DMXL1: variants seen among roughly 807,000 people sequenced by gnomAD.
DMXL1 encodes the protein dmX-like protein 1.
A neutral mutation model predicts 319.2 loss-of-function variants in DMXL1; 99 were observed. The ratio of observed to expected loss-of-function variants is 0.31; its 90% CI spans 0.26 to 0.37. DMXL1 has a LOEUF of 0.37. DMXL1 is among the 10% of genes least tolerant of loss of function. The pLI is 1.00. For synonymous variants in DMXL1, 1,385 were observed against 1,235.2 expected (o/e 1.12, Z -2.54); for missense variants, 3,745 against 3,595.6 (o/e 1.04, Z -1.06).
chr5:119,149,390 G>A lies in DMXL1; in HGVS notation c.3563G>A (p.Ser1188Asn). 6.2e-7 allele frequency: 1 copy of A among 1,613,896 alleles called. No individual in the cohort carries two copies. Among genetic ancestry groups the A allele is most frequent in the Non-Finnish European group, 8.5e-7 (1 of 1,179,862 alleles). ...ACCCTGGCATTTCCTCTCTGGGAGA[G>A]TACCAAAGTTGTGCCCCTTTCTAAA... ...KETLAFPLWE[S>N]TKVVPLSKFV... Residue 1188 changes from serine to asparagine, a missense_variant, in exon 18 of 44, where the codon AGT (serine) becomes AAT (asparagine). This residue lies in a region of DMXL1 where 2,096 missense variants were observed against 1,985.4 expected (regional missense o/e 1.06). Transcript: ENST00000539542.
intron 41 of DMXL1, among the ~76,000 whole-genome samples, 177 bp from the exon 42 acceptor site, chr5:119,240,241 CT>C (rs568084429): frequency 1.3e-5 from 2 of 151,862 alleles, no homozygotes; most frequent in African/African-American, 4.8e-5. Flanking sequence ...CCACTGCATT[CT>C]TTTTTTTATA....
chr5:119,234,042 A>G (rs1407846711), intron 39 of DMXL1, among the ~76,000 whole-genome samples: 1 of 152,154 alleles, frequency 6.6e-6, no homozygotes, highest in South Asian at 2.1e-4. Context: ...AGCATAGTTC[A>G]GGAGGACAAA....
rs772503791 is a variant in DMXL1, at chr5:119,129,190, TA to T, written c.1103-20del. The stretch of plus-strand genomic sequence containing the variant: ...TGCTAGAAGGTAAAAATTTTAATTT[TA>T]TCTTTTTTTTCTCTTATAGACATTC... On this transcript the variant is annotated intron_variant, in intron 9 of 43. Coordinates refer to ENST00000539542, the MANE Select transcript of DMXL1 (RefSeq NM_001290321.3). 2.7e-6 allele frequency: 4 copies of T among 1,490,090 alleles called. No homozygotes were observed. In the South Asian group the frequency reaches 3.9e-5, roughly 14 times the overall value. 92.3% of individuals were successfully genotyped at this position (1,490,090 alleles called of 1,614,324 possible).
rs1256284423 is a variant in DMXL1, at chr5:119,122,266, G to A, written c.1102+1127G>A. Reference sequence around the variant, plus strand: ...GGGGCGGCTGGCTGGGCGGGGGGCCGACCACCCCACCTCCCTCCCGGACGG... The same window carrying A: ...GGGGCGGCTGGCTGGGCGGGGGGCCAACCACCCCACCTCCCTCCCGGACGG... On this transcript the variant is annotated intron_variant, in intron 9 of 43. Transcript: ENST00000539542. Among the ~76,000 whole-genome samples, 6 of 134,264 alleles carry A rather than the reference G, an allele frequency of 4.5e-5. No homozygotes were observed. In the East Asian group the frequency reaches 7.2e-4, roughly 16 times the overall value. The allele number at this position is 134,264 out of a possible 152,430, so 88.1% of individuals were successfully genotyped here.
In DMXL1 at chr5:119,175,294, T is replaced by G; in HGVS notation, c.6715T>G (p.Ser2239Ala). The G allele has an allele frequency of 6.2e-7, 1 of 1,612,094 alleles. No individual in the cohort carries two copies. The highest frequency in any genetic ancestry group is 1.3e-5 in the African/African-American group (1 of 74,992). ...AATGCATACTTTAGCAGCTTCACTT[T>G]CTGCTTGTATTTATCAGTGCCTTTG... ...YVMHTLAASL[S>A]ACIYQCLCGS... is the part of the protein sequence containing the mutation. The change falls in exon 26 of 44, where the codon TCT becomes GCT. Residue 2239 changes from serine (S) to alanine (A), a missense_variant. Coordinates refer to ENST00000539542, the MANE Select transcript of DMXL1 (RefSeq NM_001290321.3).
intron 28 of DMXL1, among the ~76,000 whole-genome samples, chr5:119,183,124 T>C (rs143011086): frequency 9.4e-4 from 143 of 152,278 alleles, no homozygotes; most frequent in Non-Finnish European, 1.7e-3. Flanking sequence ...TTTTTTACTA[T>C]GAGATTGCTA....
intron 18 of DMXL1, among the ~76,000 whole-genome samples, chr5:119,151,287 C>T (rs1364774045): frequency 6.6e-6 from 1 of 151,692 alleles, no homozygotes; most frequent in Non-Finnish European, 1.5e-5. Flanking sequence ...CAAGTAAGTT[C>T]TGAAATGAAC....
Position 119,147,269 on chromosome 5 carries a change from T to G in DMXL1, c.2710T>G (p.Leu904Val). Residue 904 changes from leucine (L) to valine (V), a missense_variant, in exon 17 of 44, where the codon TTA becomes GTA. Around this residue, in one of 4 missense-constraint regions of DMXL1, gnomAD observed 2,096 missense variants for 1,985.4 expected, o/e 1.06. Transcript: ENST00000539542. ...VSLDEKVDTK[L>V]SEAVWQPEEH... ...TGTAGATGAAAAAGTAGATACAAAA[T>G]TATCCGAAGCGGTTTGGCAGCCAGA... is the stretch of plus-strand genomic sequence containing the variant. The G allele has an allele frequency of 6.2e-7, 1 of 1,612,988 alleles. No individual in the cohort carries two copies. Among genetic ancestry groups the G allele is most frequent in the Non-Finnish European group, 8.5e-7 (1 of 1,179,426 alleles).
intron 25 of DMXL1, among the ~76,000 whole-genome samples, chr5:119,172,922 G>A (rs1312379436): frequency 2.6e-5 from 4 of 151,970 alleles, no homozygotes; most frequent in Non-Finnish European, 4.4e-5. Flanking sequence ...AATGCCCATA[G>A]TGCTTATTAT....
intron 28 of DMXL1, among the ~76,000 whole-genome samples, chr5:119,181,391 A>G (rs908193317): frequency 1.3e-5 from 2 of 152,196 alleles, no homozygotes; most frequent in African/African-American, 4.8e-5. Flanking sequence ...AAATACAATC[A>G]TGGAAGTAAC....
intron 28 of DMXL1, among the ~76,000 whole-genome samples, chr5:119,187,219 A>G (rs1777897750): frequency 6.6e-6 from 1 of 152,056 alleles, no homozygotes; most frequent in African/African-American, 2.4e-5. Flanking sequence ...AAATTCATAA[A>G]TTCTATATTC....
chr5:119,180,792 G>A (rs2150326932), intron 28 of DMXL1, among the ~76,000 whole-genome samples: 1 of 151,998 alleles, frequency 6.6e-6, no homozygotes, highest in East Asian at 1.9e-4. Context: ...GCTCTGTTGA[G>A]TTTAATTTTA....
At chr5:119,144,409 T>G (rs1325783016) in intron 14 of DMXL1, 127 bp from the exon 15 acceptor site, 1 of 689,008 alleles carries the variant, frequency 1.5e-6, no homozygotes, top group African/African-American at 1.9e-5. Context: ...TACGCTTACG[T>G]TCTGCTGAAC....
chr5:119,097,402 AG>A (rs1756210811), intron 1 of DMXL1, among the ~76,000 whole-genome samples: 1 of 152,172 alleles, frequency 6.6e-6, no homozygotes, highest in Admixed American at 6.5e-5. Flanking sequence ...AGTTTAGACA[AG>A]GGTGGTAGCA....
chr5:119,130,177 T>G (rs886109088), intron 10 of DMXL1, among the ~76,000 whole-genome samples: 7 of 152,176 alleles, frequency 4.6e-5, no homozygotes, highest in African/African-American at 1.7e-4. Context: ...ATCAAACAGG[T>G]ACACAGATAG....
chr5:119,215,122 T>C (rs1285795382), intron 34 of DMXL1, among the ~76,000 whole-genome samples: 4 of 152,194 alleles, frequency 2.6e-5, no homozygotes, highest in Non-Finnish European at 5.9e-5. Context: ...AAGTTGATCC[T>C]CAAGTCAGCC....
chr5:119,112,178 G>T (rs188564930), intron 5 of DMXL1, among the ~76,000 whole-genome samples: 1 of 152,170 alleles, frequency 6.6e-6, no homozygotes, highest in East Asian at 1.9e-4. Flanking sequence ...AGCCATGATG[G>T]TCTCAATCTC....
At chr5:119,186,485 TA>T (rs1191427205) in intron 28 of DMXL1, among the ~76,000 whole-genome samples, 1 of 152,152 alleles carries the variant, frequency 6.6e-6, no homozygotes, top group Non-Finnish European at 1.5e-5. Context: ...TCTTGAACTC[TA>T]AGTTCAGTTT....
Position 119,224,764 on chromosome 5 carries a change from CT to C in DMXL1, c.8335del (p.Tyr2779ThrfsTer3). On this transcript the variant is annotated frameshift_variant, in exon 38 of 44. Transcript: ENST00000539542. LOFTEE classifies it high-confidence loss of function. ...VRRMTSHPTL[P>X]YYLTGAQDGS... ...AGAATGACTTCTCATCCAACTCTTC[CT>C]TACTGTAAGTTGAATAATAATTAGC... 1 of 1,281,062 alleles carries C rather than the reference CT, an allele frequency of 7.8e-7. No individual in the cohort carries two copies. Among genetic ancestry groups the C allele is most frequent in the Non-Finnish European group, 1.0e-6 (1 of 961,256 alleles). The allele number at this position is 1,281,062 out of a possible 1,614,324, so 79.4% of individuals were successfully genotyped here.
Sources: allele counts gnomAD v4.1 joint callset (sites outside exome capture counted in the v4.1 genomes callset), GRCh38; gene constraint gnomAD v4.1.1; regional missense constraint gnomAD v4.1.1; transcripts MANE v1.5; gene names NCBI Gene and HGNC (gene_info 2026-07-23, HGNC 2026-07-21).